The following LRP12 variants were observed in gnomAD, a reference collection of about 807,000 sequenced individuals.
The protein encoded by LRP12 is LDL receptor related protein 12, also known as low-density lipoprotein receptor-related protein 12.
LRP12 carries 14 observed loss-of-function variants against 66.0 expected under a neutral mutation model. The ratio of observed to expected loss-of-function variants is 0.21; its 90% CI spans 0.14 to 0.33. The LOEUF (loss-of-function observed/expected upper bound fraction) is 0.33, where lower values mean the gene tolerates loss of function less well. Ranked by LOEUF, LRP12 falls within the 10% of genes least tolerant of loss-of-function variation. The pLI is 1.00. For missense variants in LRP12, 889 were observed against 1,053.4 expected (o/e 0.84, Z 2.16); for synonymous variants, 357 against 359.1 (o/e 0.99, Z 0.07).
intron 1 of LRP12, among the ~76,000 whole-genome samples, chr8:104,558,438 T>C (rs1811848588): frequency 6.6e-6 from 1 of 152,102 alleles, no homozygotes. Flanking sequence ...CATCTTTCAT[T>C]TTATGCAAAA....
chr8:104,576,135 C>A (rs1812161244), intron 1 of LRP12, among the ~76,000 whole-genome samples: 1 of 152,092 alleles, frequency 6.6e-6, no homozygotes. Flanking sequence ...GAGATCAAAT[C>A]CACAACTCAT....
chr8:104,525,263 A>T (rs1354654022), intron 2 of LRP12, among the ~76,000 whole-genome samples: 6 of 152,172 alleles, frequency 3.9e-5, no homozygotes, highest in Admixed American at 2.6e-4. Flanking sequence ...AATTAAAATA[A>T]GTACAAAAAT....
rs1283520885 is a variant in LRP12, at chr8:104,588,926, G to A, written c.-29C>T. 6.5e-6 allele frequency: 10 copies of A among 1,548,058 alleles called. No individual in the cohort carries two copies. Among genetic ancestry groups the A allele is most frequent in the East Asian group, 4.7e-5 (2 of 42,332 alleles). On this transcript the variant is annotated 5_prime_UTR_variant, in exon 1 of 7. Transcript: ENST00000276654. ...CACAGCAGATGGAGAGAGAGAGGAG[G>A]AGACGGAGGAGGAGGGAGGAGAAGC...
At chr8:104,511,520 T>TTTTTTG (rs1266038251) in intron 2 of LRP12, among the ~76,000 whole-genome samples, 13 of 152,272 alleles carry the variant, frequency 8.5e-5, no homozygotes, top group African/African-American at 2.9e-4. Context: ...ATGGCAACTT[T>TTTTTTG]TTTTTGTTTT....
intron 2 of LRP12, among the ~76,000 whole-genome samples, chr8:104,509,512 A>G (rs1367135742): frequency 6.6e-6 from 1 of 152,170 alleles, no homozygotes; most frequent in African/African-American, 2.4e-5. Context: ...CCCACCCATT[A>G]GTTACTTAGT....
At chr8:104,494,100 T>A (rs935957550) in intron 6 of LRP12, among the ~76,000 whole-genome samples, 22 of 152,072 alleles carry the variant, frequency 1.4e-4, no homozygotes, top group African/African-American at 5.1e-4. Flanking sequence ...GGTTTAGGCA[T>A]GGTGGGTGGT....
chr8:104,536,016 A>G (rs1394501778), intron 1 of LRP12, among the ~76,000 whole-genome samples: 3 of 152,114 alleles, frequency 2.0e-5, no homozygotes, highest in African/African-American at 7.2e-5. Context: ...TCTACTGCTC[A>G]GTGAGAATAG....
At chr8:104,524,448 C>A (rs1811198957) in intron 2 of LRP12, among the ~76,000 whole-genome samples, 1 of 151,960 alleles carries the variant, frequency 6.6e-6, no homozygotes, top group Non-Finnish European at 1.5e-5. Flanking sequence ...CAAGGGTCAA[C>A]TGTATATGAA....
chr8:104,503,252 G>A (rs753408242), intron 3 of LRP12, among the ~76,000 whole-genome samples: 10 of 146,760 alleles, frequency 6.8e-5, no homozygotes, highest in African/African-American at 2.3e-4. Flanking sequence ...GCTTGAACCC[G>A]GGAGGCAAAG....
intron 1 of LRP12, among the ~76,000 whole-genome samples, chr8:104,534,179 T>C (rs1167977387): frequency 1.3e-5 from 2 of 151,914 alleles, no homozygotes; most frequent in Non-Finnish European, 2.9e-5. Flanking sequence ...CTAACTTGGA[T>C]AGATACACAT....
Position 104,588,997 on chromosome 8 carries a change from CCGA to C in LRP12, c.-103_-101del, listed in dbSNP as rs1030787009. The C allele has an allele frequency of 2.5e-5, 22 of 885,038 alleles. No homozygotes were observed. Among genetic ancestry groups the C allele is most frequent in the African/African-American group, 2.4e-4 (14 of 57,354 alleles). The allele number at this position is 885,038 out of a possible 1,614,324, so 54.8% of individuals were successfully genotyped here. A position where few individuals can be genotyped will look rare whatever the true frequency, so the allele number is the denominator to read the frequency against. ...GCCGCCGCCGCCGCCGCCGCCGCCG[CCGA>C]GCCACCGGCTGCTCCCTGCGCTCTC... On this transcript the variant is annotated 5_prime_UTR_variant, in exon 1 of 7. Coordinates refer to ENST00000276654, the MANE Select transcript of LRP12 (RefSeq NM_013437.5).
intron 1 of LRP12, among the ~76,000 whole-genome samples, chr8:104,534,473 G>C (rs1811367879): frequency 6.6e-6 from 1 of 151,948 alleles, no homozygotes; most frequent in Admixed American, 6.6e-5. Context: ...CAAAAAAGGA[G>C]AAACAGGTGA....
intron 1 of LRP12, among the ~76,000 whole-genome samples, chr8:104,582,752 G>A (rs1281553317): frequency 2.0e-5 from 3 of 152,036 alleles, no homozygotes; most frequent in Non-Finnish European, 4.4e-5. Context: ...CTTGTATAGT[G>A]TTCATAGCCT....
chr8:104,513,845 C>T (rs147571869), intron 2 of LRP12, among the ~76,000 whole-genome samples: 1 of 152,288 alleles, frequency 6.6e-6, no homozygotes, highest in East Asian at 1.9e-4. Flanking sequence ...ACAATTTCAA[C>T]TATGGTCATG....
At chr8:104,499,853 G>A (rs1006521498) in intron 3 of LRP12, among the ~76,000 whole-genome samples, 4 of 152,114 alleles carry the variant, frequency 2.6e-5, no homozygotes, top group Admixed American at 1.3e-4. Flanking sequence ...ATCCTAAACT[G>A]TTCTGTGTTC....
chr8:104,588,964 A>ACGACGACGC lies in LRP12; in HGVS notation c.-68_-67insGCGTCGTCG, dbSNP rs548846399. 2 of 905,880 alleles carry ACGACGACGC rather than the reference A, an allele frequency of 2.2e-6. No individual in the cohort carries two copies. The highest frequency in any genetic ancestry group is 2.7e-5 in the African/African-American group (1 of 36,466). The allele number at this position is 905,880 out of a possible 1,614,324, so 56.1% of individuals were successfully genotyped here. ...AGGGAGGAGAAGCTGGAGGTAGACG[A>ACGACGACGC]CGCCGACGCCGCCGCCGCCGCCGCC... On this transcript the variant is annotated 5_prime_UTR_variant, in exon 1 of 7. Coordinates refer to ENST00000276654, the MANE Select transcript of LRP12 (RefSeq NM_013437.5).
At chr8:104,548,108 ATAT>A (rs1372080890) in intron 1 of LRP12, among the ~76,000 whole-genome samples, 6 of 114,136 alleles carry the variant, frequency 5.3e-5, no homozygotes, top group South Asian at 2.5e-4. Flanking sequence ...TAATTCTGTT[ATAT>A]TATATTTTGT....
At position 104,588,820 on chromosome 8, in the gene LRP12, G is replaced by A; in HGVS notation, c.78C>T (p.Tyr26=). 1.2e-6 allele frequency: 2 copies of A among 1,612,082 alleles called. No homozygotes were observed. Among genetic ancestry groups the A allele is most frequent in the African/African-American group, 1.3e-5 (1 of 74,964 alleles). ...GGGCGCGGGGACGCGGACACTTACC[G>A]TACACCCCAGCGAGGAAAAGCAAGA... ...ALLLLFLAGV[Y]GNGALAEHSE... Residue 26 remains tyrosine (Y), a splice_region_variant and synonymous_variant, in exon 1 of 7, where the codon TAC becomes TAT. Coordinates refer to ENST00000276654, the MANE Select transcript of LRP12 (RefSeq NM_013437.5).
At chr8:104,587,123 C>T (rs1490721645) in intron 1 of LRP12, among the ~76,000 whole-genome samples, 1 of 152,188 alleles carries the variant, frequency 6.6e-6, no homozygotes, top group East Asian at 1.9e-4. Flanking sequence ...AGTTCAAACA[C>T]TGATGACACA....
Sources: allele counts gnomAD v4.1 joint callset (sites outside exome capture counted in the v4.1 genomes callset), GRCh38; gene constraint gnomAD v4.1.1; transcripts MANE v1.5; gene names NCBI Gene and HGNC (gene_info 2026-07-23, HGNC 2026-07-21).